PDZRN3: variants seen among roughly 807,000 people sequenced by gnomAD.
PDZRN3 encodes the protein E3 ubiquitin-protein ligase PDZRN3.
A neutral mutation model predicts 85.7 loss-of-function variants in PDZRN3; 38 were observed. That is an observed-to-expected ratio of 0.44 (90% CI 0.34 to 0.58). The LOEUF is 0.58. Among genes scored for constraint, PDZRN3 ranks in the 20% least tolerant of loss-of-function variants. The pLI is 0.01. For synonymous variants in PDZRN3, 759 were observed against 638.0 expected, an observed-to-expected ratio of 1.19 and a Z score of -2.86; for missense variants, 1,629 against 1,506.4, an observed-to-expected ratio of 1.08 and a Z score of -1.35.
intron 1 of PDZRN3, among the ~76,000 whole-genome samples, chr3:73,609,576 A>T (rs915133694): frequency 6.6e-6 from 1 of 152,356 alleles, no homozygotes; most frequent in Non-Finnish European, 1.5e-5. Flanking sequence ...AAAACATCAC[A>T]GCCTGTGTAC....
intron 3 of PDZRN3, among the ~76,000 whole-genome samples, chr3:73,463,176 C>T (rs1242020599): frequency 1.3e-5 from 2 of 152,250 alleles, no homozygotes; most frequent in African/African-American, 4.8e-5. Context: ...TCCCAGGGCT[C>T]GCTGCATTGT....
intron 3 of PDZRN3, among the ~76,000 whole-genome samples, chr3:73,448,868 C>T (rs1402491971): frequency 6.6e-6 from 1 of 152,166 alleles, no homozygotes; most frequent in African/African-American, 2.4e-5. Flanking sequence ...AAAGTCAGGA[C>T]AGGCACCTTT....
intron 5 of PDZRN3, among the ~76,000 whole-genome samples, chr3:73,397,795 G>A (rs1022662636): frequency 6.6e-6 from 1 of 152,198 alleles, no homozygotes; most frequent in African/African-American, 2.4e-5. Flanking sequence ...ATGACCTGGT[G>A]ACATCTGAGT....
chr3:73,442,283 G>T (rs1228681366), intron 3 of PDZRN3, among the ~76,000 whole-genome samples: 2 of 152,180 alleles, frequency 1.3e-5, no homozygotes, highest in African/African-American at 4.8e-5. Context: ...GGGGAAGTGG[G>T]GAGGGCATCA....
At chr3:73,445,318 G>T (rs1329714739) in intron 3 of PDZRN3, among the ~76,000 whole-genome samples, 1 of 152,162 alleles carries the variant, frequency 6.6e-6, no homozygotes, top group Non-Finnish European at 1.5e-5. Context: ...GTTCGTGTCT[G>T]AAAGAATTTG....
rs11128342 is a variant in PDZRN3 at position 73,496,432 on chromosome 3, C to G, written c.919-92037G>C. ...ACCCAACACAATTTGAATGATTAAT[C>G]AACATTTTGCCATTCTTGTTTCATA... On this transcript the variant is annotated intron_variant, in intron 3 of 9. Coordinates refer to ENST00000263666, the MANE Select transcript of PDZRN3 (RefSeq NM_015009.3). 4.6e-5 allele frequency among the ~76,000 whole-genome samples: 7 copies of G among 152,068 alleles called. No individual in the cohort carries two copies. In the East Asian group the frequency reaches 9.7e-4, roughly 21 times the overall value.
chr3:73,405,698 GT>G (rs1469299542), intron 3 of PDZRN3, among the ~76,000 whole-genome samples: 1 of 152,166 alleles, frequency 6.6e-6, no homozygotes, highest in Admixed American at 6.5e-5. Flanking sequence ...CAATGTGCAT[GT>G]TTTTAGCATG....
At chr3:73,500,368 A>T (rs917865958) in intron 3 of PDZRN3, among the ~76,000 whole-genome samples, 1 of 151,938 alleles carries the variant, frequency 6.6e-6, no homozygotes, top group Non-Finnish European at 1.5e-5. Flanking sequence ...ATTTATTATT[A>T]TTTTTTTAAT....
intron 1 of PDZRN3, among the ~76,000 whole-genome samples, chr3:73,618,617 C>A (rs182584521): frequency 6.6e-6 from 1 of 152,336 alleles, no homozygotes; most frequent in East Asian, 1.9e-4. Flanking sequence ...GCTCCTTGGT[C>A]TACGGTCCAA....
intron 3 of PDZRN3, among the ~76,000 whole-genome samples, chr3:73,530,764 A>G (rs1292026838): frequency 6.6e-6 from 1 of 152,222 alleles, no homozygotes; most frequent in Non-Finnish European, 1.5e-5. Context: ...AATTTAATCA[A>G]TCAAAACTTT....
At chr3:73,494,923 A>G (rs889490135) in intron 3 of PDZRN3, among the ~76,000 whole-genome samples, 1 of 152,274 alleles carries the variant, frequency 6.6e-6, no homozygotes, top group Non-Finnish European at 1.5e-5. Flanking sequence ...ACAAGGGAAC[A>G]GAAAACCAAA....
chr3:73,463,627 C>T (rs911417249), intron 3 of PDZRN3, among the ~76,000 whole-genome samples: 40 of 152,060 alleles, frequency 2.6e-4, no homozygotes, highest in Admixed American at 8.5e-4. Flanking sequence ...GGTGATTCCT[C>T]AAATACCTAG....
chr3:73,511,964 C>T (rs929640918), intron 3 of PDZRN3, among the ~76,000 whole-genome samples: 2 of 152,210 alleles, frequency 1.3e-5, no homozygotes, highest in Admixed American at 6.5e-5. Context: ...CTGATTGGTA[C>T]GAATGTGTTT....
At chr3:73,416,876 G>GTTTTTTTTTTTTTTTTTTTTTTTT (rs146381615) in intron 3 of PDZRN3, among the ~76,000 whole-genome samples, 13 of 110,402 alleles carry the variant, frequency 1.2e-4, no homozygotes, top group African/African-American at 1.4e-4. Flanking sequence ...TTTTTTTTTG[G>GTTTTTTTTTTTTTTTTTTTTTTTT]TTTTTTTTTT....
intron 3 of PDZRN3, among the ~76,000 whole-genome samples, chr3:73,550,736 A>G (rs1701533906): frequency 6.6e-6 from 1 of 152,254 alleles, no homozygotes; most frequent in African/African-American, 2.4e-5. Flanking sequence ...AGGTTTGTGA[A>G]TTATAAAGAA....
rs1000309911 is a variant in PDZRN3, at chr3:73,624,898, A to T, written c.-73T>A. On this transcript the variant is annotated 5_prime_UTR_variant, in exon 1 of 10. Coordinates refer to ENST00000263666, the MANE Select transcript of PDZRN3 (RefSeq NM_015009.3). ...TCCCTCCCCACGAGGCGGCCCAGAC[A>T]GGCCGGCTACGCCGCCCGCGCGCTC... is the stretch of plus-strand genomic sequence containing the variant. 13 of 1,180,848 alleles carry T rather than the reference A, an allele frequency of 1.1e-5. No homozygotes were observed. Among genetic ancestry groups the T allele is most frequent in the African/African-American group, 6.4e-5 (4 of 62,664 alleles). 73.1% of individuals were successfully genotyped at this position (1,180,848 alleles called of 1,614,324 possible). A position where few individuals can be genotyped will look rare whatever the true frequency, so the allele number is the denominator to read the frequency against.
chr3:73,483,493 T>C (rs958584294), intron 3 of PDZRN3, among the ~76,000 whole-genome samples: 1 of 152,232 alleles, frequency 6.6e-6, no homozygotes, highest in Non-Finnish European at 1.5e-5. Context: ...TTCCAGATGC[T>C]ATCATGATGC....
intron 5 of PDZRN3, among the ~76,000 whole-genome samples, chr3:73,398,109 A>G (rs190312106): frequency 6.6e-6 from 1 of 150,520 alleles, no homozygotes; most frequent in African/African-American, 2.5e-5. Context: ...TCTAGCTTAA[A>G]ATATTAATAC....
intron 8 of PDZRN3, among the ~76,000 whole-genome samples, chr3:73,387,520 C>G (rs1381163600): frequency 6.6e-6 from 1 of 152,204 alleles, no homozygotes; most frequent in Non-Finnish European, 1.5e-5. Flanking sequence ...GGGCCTAGCA[C>G]TTATTCGGTG....
Sources: allele counts gnomAD v4.1 joint callset (sites outside exome capture counted in the v4.1 genomes callset), GRCh38; gene constraint gnomAD v4.1.1; transcripts MANE v1.5; gene names NCBI Gene and HGNC (gene_info 2026-07-23, HGNC 2026-07-21).